RABL3: variants seen among roughly 807,000 people sequenced by gnomAD.
RABL3 encodes rab-like protein 3.
Under a neutral mutation model 31.8 loss-of-function variants are expected in RABL3, and 31 were observed. The ratio of observed to expected loss-of-function variants is 0.97; its 90% CI spans 0.73 to 1.31. RABL3 has a LOEUF of 1.31. Ranked by LOEUF, RABL3 falls within the 40% of genes most tolerant of loss-of-function variation. The pLI is 0.00. For synonymous variants in RABL3, 97 were observed against 99.9 expected, an observed-to-expected ratio of 0.97 and a Z score of 0.18; for missense variants, 263 against 279.6, an observed-to-expected ratio of 0.94 and a Z score of 0.42.
At chr3:120,706,787 G>T (rs1342143528) in intron 3 of RABL3, among the ~76,000 whole-genome samples, 1 of 151,984 alleles carries the variant, frequency 6.6e-6, no homozygotes, top group Non-Finnish European at 1.5e-5. Flanking sequence ...GAGTGGGTGA[G>T]ACATTAAATA....
At chr3:120,715,613 T>A (rs549105357) in intron 2 of RABL3, among the ~76,000 whole-genome samples, 1 of 152,178 alleles carries the variant, frequency 6.6e-6, no homozygotes. Context: ...AACATGTGAC[T>A]ACTTAGCAAT....
intron 2 of RABL3, among the ~76,000 whole-genome samples, chr3:120,728,667 C>T (rs2107594165): frequency 6.6e-6 from 1 of 151,970 alleles, no homozygotes; most frequent in Non-Finnish European, 1.5e-5. Flanking sequence ...CTAACCTGCA[C>T]ATTGTGCACA....
At chr3:120,739,685 ATATT>A (rs1709019039) in intron 1 of RABL3, among the ~76,000 whole-genome samples, 1 of 152,152 alleles carries the variant, frequency 6.6e-6, no homozygotes, top group African/African-American at 2.4e-5. Flanking sequence ...ACTCAAAATT[ATATT>A]TGTCATTGAA....
At chr3:120,701,601 G>A (rs914904226) in intron 4 of RABL3, among the ~76,000 whole-genome samples, 8 of 152,180 alleles carry the variant, frequency 5.3e-5, no homozygotes, top group African/African-American at 1.9e-4. Flanking sequence ...CATCAGTGAT[G>A]AAAGGAATTG....
intron 2 of RABL3, among the ~76,000 whole-genome samples, chr3:120,728,462 C>T (rs758805488): frequency 2.0e-5 from 3 of 152,066 alleles, no homozygotes; most frequent in Non-Finnish European, 4.4e-5. Context: ...TTCACAGAAT[C>T]GGAGCTAGAA....
intron 6 of RABL3, among the ~76,000 whole-genome samples, chr3:120,693,690 TGA>T (rs1238621158): frequency 6.6e-6 from 1 of 152,150 alleles, no homozygotes; most frequent in Non-Finnish European, 1.5e-5. Flanking sequence ...CAAATATTTC[TGA>T]GAGGGAAACA....
chr3:120,686,306 T>C lies in RABL3; in HGVS notation c.*3517A>G, dbSNP rs936332645. ...TTAAAATATGATGTCACCTGTGCTT[T>C]AAAAAATTCAATTAAGCCACCATCT... On this transcript the variant is annotated 3_prime_UTR_variant, in exon 8 of 8. Transcript: ENST00000273375. 2.0e-5 allele frequency among the ~76,000 whole-genome samples: 3 copies of C among 152,216 alleles called. No homozygotes were observed. Among genetic ancestry groups the C allele is most frequent in the South Asian group, 4.1e-4 (2 of 4,836 alleles).
chr3:120,723,709 G>C (rs886880591), intron 2 of RABL3, among the ~76,000 whole-genome samples: 22 of 152,096 alleles, frequency 1.4e-4, no homozygotes, highest in African/African-American at 3.9e-4. Flanking sequence ...ACATGATTAT[G>C]TCAATAGATG....
chr3:120,704,100 G>C (rs971292344), intron 4 of RABL3, among the ~76,000 whole-genome samples: 2 of 152,164 alleles, frequency 1.3e-5, no homozygotes, highest in African/African-American at 2.4e-5. Context: ...AAGACATTAT[G>C]AGAACAGAAA....
At chr3:120,707,905 A>G (rs746374983) in intron 3 of RABL3, among the ~76,000 whole-genome samples, 1 of 152,072 alleles carries the variant, frequency 6.6e-6, no homozygotes, top group Non-Finnish European at 1.5e-5. Context: ...GGTGGGGCTG[A>G]GATGAAAGGA....
chr3:120,712,935 C>T (rs997775519), intron 2 of RABL3, among the ~76,000 whole-genome samples: 1 of 151,922 alleles, frequency 6.6e-6, no homozygotes, highest in African/African-American at 2.4e-5. Context: ...GTCCTTGAAA[C>T]TTCTGGGATG....
intron 4 of RABL3, among the ~76,000 whole-genome samples, chr3:120,705,389 C>T (rs997698513): frequency 6.6e-6 from 1 of 152,170 alleles, no homozygotes; most frequent in African/African-American, 2.4e-5. Flanking sequence ...AGGAATCATA[C>T]TGCTCAATTT....
At chr3:120,738,133 T>C (rs1371289386) in intron 1 of RABL3, among the ~76,000 whole-genome samples, 3 of 152,238 alleles carry the variant, frequency 2.0e-5, no homozygotes, top group Admixed American at 6.5e-5. Flanking sequence ...ACAGGCCTCC[T>C]TGAGCTGCGG....
chr3:120,697,410 A>G (rs1388715671), intron 5 of RABL3, among the ~76,000 whole-genome samples: 1 of 152,210 alleles, frequency 6.6e-6, no homozygotes, highest in African/African-American at 2.4e-5. Flanking sequence ...TAAATAACTA[A>G]AACAGTTTTC....
At position 120,709,864 on chromosome 3, in the gene RABL3, T is replaced by C. The variant is rs1708593151; in HGVS notation, c.184A>G (p.Ile62Val). ...EGTPEEKTYY[I>V]ELWDVGGSVG... The stretch of plus-strand genomic sequence containing the variant: ...GAGCCTCCAACATCCCATAATTCTA[T>C]GTAGTAGGTCTTCTCTTCTGGGGTT... The change falls in exon 3 of 8, where the codon ATA (isoleucine) becomes GTA (valine). Residue 62 changes from isoleucine to valine, a missense_variant. Coordinates refer to ENST00000273375, the MANE Select transcript of RABL3 (RefSeq NM_173825.5). The C allele has an allele frequency of 1.9e-6, 3 of 1,610,454 alleles. No individual in the cohort carries two copies. Among genetic ancestry groups the C allele is most frequent in the Non-Finnish European group, 1.7e-6 (2 of 1,177,094 alleles).
rs562366080 is a variant in RABL3, at chr3:120,736,532, A to AG, written c.47-5746_47-5745insC. Among the ~76,000 whole-genome samples, 568 of 152,262 alleles carry AG rather than the reference A, an allele frequency of 3.7e-3. 3 individuals are homozygous for AG. Among genetic ancestry groups the AG allele is most frequent in the Non-Finnish European group, 6.0e-3 (405 of 68,018 alleles). On this transcript the variant is annotated intron_variant, in intron 1 of 7. Transcript: ENST00000273375. ...TAATTGGAGCATTTAGCCCACTTACATTTAAGGTTAATATTGTTATGTGTG... is the reference window on the plus strand; with the variant it reads ...TAATTGGAGCATTTAGCCCACTTACAGTTTAAGGTTAATATTGTTATGTGTG...
At chr3:120,691,649 T>TA (rs1395978223) in intron 6 of RABL3, among the ~76,000 whole-genome samples, 2 of 152,246 alleles carry the variant, frequency 1.3e-5, no homozygotes, top group East Asian at 3.8e-4. Flanking sequence ...ACAAGGGGTT[T>TA]ACTGAGATAT....
intron 1 of RABL3, among the ~76,000 whole-genome samples, chr3:120,740,868 G>T (rs779407959): frequency 5.9e-5 from 9 of 152,180 alleles, no homozygotes. Context: ...CATAACAGGG[G>T]AGGCGGGCAG....
intron 1 of RABL3, among the ~76,000 whole-genome samples, chr3:120,734,729 A>G (rs940930475): frequency 2.0e-5 from 3 of 152,130 alleles, no homozygotes; most frequent in African/African-American, 7.2e-5. Context: ...TCAATACCTA[A>G]TTTATTGAGA....
Sources: allele counts gnomAD v4.1 joint callset (sites outside exome capture counted in the v4.1 genomes callset), GRCh38; gene constraint gnomAD v4.1.1; transcripts MANE v1.5; gene names NCBI Gene and HGNC (gene_info 2026-07-23, HGNC 2026-07-21).